APBA1: variants seen among roughly 807,000 people sequenced by gnomAD.
APBA1 encodes amyloid beta precursor protein binding family A member 1.
APBA1 carries 55 observed loss-of-function variants against 86.6 expected under a neutral mutation model. The ratio of observed to expected loss-of-function variants is 0.64; its 90% CI spans 0.51 to 0.80. APBA1 has a LOEUF of 0.80. Ranked by LOEUF, APBA1 falls within the 30% of genes least tolerant of loss-of-function variation. The pLI is 0.00. For synonymous variants in APBA1, 511 were observed against 493.9 expected (o/e 1.03, Z -0.46); for missense variants, 1,090 against 1,183.0 (o/e 0.92, Z 1.15).
Position 69,546,017 on chromosome 9 carries a change from AAAG to A in APBA1, c.-69-28741_-69-28739del, listed in dbSNP as rs1434487299. ...TTTTTCATAAGTTTATAAATTTTCTAAAGTATGACAAACTTTGAAATTATACAA... is the reference window on the plus strand; with the variant it reads ...TTTTTCATAAGTTTATAAATTTTCTATATGACAAACTTTGAAATTATACAA... On this transcript the variant is annotated intron_variant, in intron 1 of 12. Coordinates refer to ENST00000265381, the MANE Select transcript of APBA1 (RefSeq NM_001163.4). Among the ~76,000 whole-genome samples the A allele has an allele frequency of 2.6e-5, 4 of 152,236 alleles. No individual in the cohort carries two copies. The East Asian group carries it at 7.7e-4, about 29-fold the overall frequency.
At chr9:69,461,528 C>T (rs1284221937) in intron 5 of APBA1, 1 of 152,158 alleles carries the variant, frequency 6.6e-6, no homozygotes. Flanking sequence ...GCTTACAACA[C>T]CCCTGTGAGC....
intron 1 of APBA1, among the ~76,000 whole-genome samples, chr9:69,527,184 A>G (rs1836356067): frequency 6.6e-6 from 1 of 152,108 alleles, no homozygotes; most frequent in Non-Finnish European, 1.5e-5. Context: ...CATGCAGTAT[A>G]CCCAGATAAC....
chr9:69,477,024 CATT>C (rs1835460038), intron 2 of APBA1, among the ~76,000 whole-genome samples: 1 of 152,250 alleles, frequency 6.6e-6, no homozygotes, highest in Non-Finnish European at 1.5e-5. Context: ...TATAGCCAAA[CATT>C]GTTGTGTGCT....
intron 8 of APBA1, among the ~76,000 whole-genome samples, chr9:69,453,833 T>A (rs1835052342): frequency 6.6e-6 from 1 of 152,264 alleles, no homozygotes; most frequent in Non-Finnish European, 1.5e-5. Context: ...AAGGCAAGTT[T>A]ATCAGCCACC....
At chr9:69,569,151 A>T (rs1837076101) in intron 1 of APBA1, among the ~76,000 whole-genome samples, 1 of 152,170 alleles carries the variant, frequency 6.6e-6, no homozygotes, top group South Asian at 2.1e-4. Flanking sequence ...CCTGAAAAGG[A>T]AAGTTAACTT....
chr9:69,499,490 C>A (rs1007137095), intron 2 of APBA1, among the ~76,000 whole-genome samples: 3 of 152,070 alleles, frequency 2.0e-5, no homozygotes, highest in Non-Finnish European at 2.9e-5. Context: ...GTTCAGAATA[C>A]CTTAACAAGA....
chr9:69,534,899 G>A (rs1287987756), intron 1 of APBA1, among the ~76,000 whole-genome samples: 1 of 151,880 alleles, frequency 6.6e-6, no homozygotes, highest in African/African-American at 2.4e-5. Flanking sequence ...CTCTCCCAAT[G>A]TTTAATAATT....
chr9:69,451,470 T>A (rs1004831914), intron 9 of APBA1, among the ~76,000 whole-genome samples: 1 of 152,206 alleles, frequency 6.6e-6, no homozygotes. Flanking sequence ...GACCCAGATC[T>A]CAGGCCCATC....
In APBA1 at chr9:69,623,164, A is replaced by C. The variant is rs1211226142; in HGVS notation, c.-70+48989T>G. On this transcript the variant is annotated intron_variant, in intron 1 of 12. Transcript: ENST00000265381. ...CCCCACCCAAAAACCTACATTATCA[A>C]TCTACAGTTGTTTTGAAACATGGAT... is the stretch of plus-strand genomic sequence containing the variant. Among the ~76,000 whole-genome samples, 6 of 152,052 alleles carry C rather than the reference A, an allele frequency of 3.9e-5. 1 individual carries two copies. Among genetic ancestry groups the C allele is most frequent in the Admixed American group, 3.9e-4 (6 of 15,264 alleles).
At chr9:69,538,755 C>T (rs918904794) in intron 1 of APBA1, among the ~76,000 whole-genome samples, 6 of 152,178 alleles carry the variant, frequency 3.9e-5, no homozygotes, top group Middle Eastern at 3.2e-3. Context: ...TACTTAGAGT[C>T]CTAGCTCTGG....
At chr9:69,556,310 G>C (rs1836858981) in intron 1 of APBA1, among the ~76,000 whole-genome samples, 1 of 152,128 alleles carries the variant, frequency 6.6e-6, no homozygotes, top group South Asian at 2.1e-4. Flanking sequence ...ACAAGCCACA[G>C]CATTTACATC....
chr9:69,440,955 G>A, intron 11 of APBA1, 41 bp downstream of exon 11: 4 of 1,597,924 alleles, frequency 2.5e-6, no homozygotes, highest in Non-Finnish European at 3.4e-6. Context: ...ATTTTTATTT[G>A]TCAACATTGT....
chr9:69,604,814 G>A (rs1822437170), intron 1 of APBA1, among the ~76,000 whole-genome samples: 1 of 150,326 alleles, frequency 6.7e-6, no homozygotes, highest in Non-Finnish European at 1.5e-5. Flanking sequence ...AGAGGCACAT[G>A]AGTGTGGGCA....
At chr9:69,597,019 G>T (rs28445974) in intron 1 of APBA1, among the ~76,000 whole-genome samples, 2 of 152,208 alleles carry the variant, frequency 1.3e-5, no homozygotes, top group Non-Finnish European at 2.9e-5. Flanking sequence ...TGGAGGAAAG[G>T]TTAAATTATG....
chr9:69,654,129 A>T (rs548585932), intron 1 of APBA1, among the ~76,000 whole-genome samples: 1,582 of 151,824 alleles, frequency 0.01, 9 homozygotes, highest in Middle Eastern at 0.044. Flanking sequence ...AAAAAAAAAA[A>T]AAAAGAGGGA....
intron 1 of APBA1, among the ~76,000 whole-genome samples, chr9:69,636,630 T>A (rs1440026956): frequency 6.6e-6 from 1 of 151,484 alleles, no homozygotes; most frequent in East Asian, 1.9e-4. Context: ...ACCCCATCTC[T>A]ACAAAAAGTA....
chr9:69,623,192 T>TG (rs746292659), intron 1 of APBA1, among the ~76,000 whole-genome samples: 2 of 152,020 alleles, frequency 1.3e-5, no homozygotes, highest in East Asian at 3.9e-4. Context: ...ACATGGATCT[T>TG]GGGGGAGAGT....
At chr9:69,536,944 T>G (rs529709429) in intron 1 of APBA1, among the ~76,000 whole-genome samples, 85 of 150,524 alleles carry the variant, frequency 5.6e-4, no homozygotes, top group African/African-American at 2.0e-3. Flanking sequence ...ATGTGATATA[T>G]GCATGTAGCC....
Position 69,517,219 on chromosome 9 carries a change from T to A in APBA1, c.-9A>T, listed in dbSNP as rs745845469. On this transcript the variant is annotated 5_prime_UTR_variant, in exon 2 of 13. Coordinates refer to ENST00000265381, the MANE Select transcript of APBA1 (RefSeq NM_001163.4). ...CCCTCCAAGTGGTTCATGGTGGGAG[T>A]CGGAACGGCTAGGAGAGAAGCTGGG... The A allele has an allele frequency of 1.8e-5, 27 of 1,468,696 alleles. No homozygotes were observed. The highest frequency in any genetic ancestry group is 2.4e-5 in the Non-Finnish European group (27 of 1,109,636). The allele number at this position is 1,468,696 out of a possible 1,614,324, so 91.0% of individuals were successfully genotyped here. A position where few individuals can be genotyped will look rare whatever the true frequency, so the allele number is the denominator to read the frequency against.
Sources: gnomAD v4.1 joint callset for allele counts (sites outside exome capture counted in the v4.1 genomes callset) on GRCh38, gnomAD v4.1.1 for gene constraint, MANE v1.5 for transcripts, NCBI Gene and HGNC (gene_info 2026-07-23, HGNC 2026-07-21) for gene names.